Variants in CADM2 observed in about 807,000 individuals in gnomAD.
CADM2 encodes the protein immunoglobulin superfamily member 4D.
In CADM2, 12 loss-of-function variants were observed where a neutral mutation model predicts 49.8. That is an observed-to-expected ratio of 0.24 (90% CI 0.15 to 0.39). The LOEUF is 0.39. CADM2 is among the 10% of genes least tolerant of loss of function. The pLI, the probability that CADM2 is intolerant of heterozygous loss-of-function variation, is 1.00. For missense variants in CADM2, 378 were observed against 492.3 expected (o/e 0.77, Z 2.20); for synonymous variants, 214 against 175.4 (o/e 1.22, Z -1.74).
At chr3:85,761,407 T>C (rs1451851594) in intron 2 of CADM2, among the ~76,000 whole-genome samples, 1 of 122,906 alleles carries the variant, frequency 8.1e-6, no homozygotes, top group Non-Finnish European at 1.6e-5. Flanking sequence ...AGAATCTCAC[T>C]CTGTCTCCAG....
intron 1 of CADM2, among the ~76,000 whole-genome samples, chr3:85,344,950 C>G (rs1200879055): frequency 1.3e-5 from 2 of 152,120 alleles, no homozygotes; most frequent in Non-Finnish European, 2.9e-5. Flanking sequence ...CAGGAACACT[C>G]TCTTCCCATT....
intron 1 of CADM2, among the ~76,000 whole-genome samples, chr3:85,545,815 A>T (rs953813768): frequency 6.6e-6 from 1 of 152,120 alleles, no homozygotes; most frequent in Non-Finnish European, 1.5e-5. Flanking sequence ...GTAAACCTGA[A>T]ATTTAATTTT....
intron 2 of CADM2, among the ~76,000 whole-genome samples, chr3:85,750,446 C>CCT (rs1425705464): frequency 6.6e-6 from 1 of 152,020 alleles, no homozygotes; most frequent in Non-Finnish European, 1.5e-5. Context: ...AAATATTCTT[C>CCT]CTCTTGTTCC....
chr3:85,097,347 G>A (rs915060732), intron 1 of CADM2, among the ~76,000 whole-genome samples: 3 of 152,122 alleles, frequency 2.0e-5, no homozygotes, highest in African/African-American at 7.2e-5. Context: ...TTTTATGGCT[G>A]CATAGTATTC....
chr3:85,947,813 A>G (rs1222110569), intron 7 of CADM2, among the ~76,000 whole-genome samples: 15 of 151,576 alleles, frequency 9.9e-5, no homozygotes, highest in Non-Finnish European at 1.5e-5. Context: ...ATCATTTTCA[A>G]TTAAATGTTC....
intron 1 of CADM2, among the ~76,000 whole-genome samples, chr3:85,076,912 C>T (rs980404450): frequency 6.6e-6 from 1 of 152,120 alleles, no homozygotes; most frequent in Non-Finnish European, 1.5e-5. Context: ...GTGGAGGTTG[C>T]AGTGAGACAA....
chr3:84,977,835 G>A (rs905721859), intron 1 of CADM2, among the ~76,000 whole-genome samples: 4 of 152,042 alleles, frequency 2.6e-5, no homozygotes, highest in Admixed American at 6.6e-5. Flanking sequence ...CAGTGTCTAC[G>A]TTTAATTCCT....
chr3:85,790,366 A>C (rs994813620), intron 2 of CADM2, among the ~76,000 whole-genome samples: 5 of 152,252 alleles, frequency 3.3e-5, no homozygotes, highest in Admixed American at 6.5e-5. Context: ...TGGGTCACCT[A>C]CTCACAGGTA....
intron 1 of CADM2, among the ~76,000 whole-genome samples, chr3:85,001,270 TA>T (rs1457713333): frequency 6.6e-6 from 1 of 152,056 alleles, no homozygotes; most frequent in Non-Finnish European, 1.5e-5. Flanking sequence ...TTAGTTCATA[TA>T]AAAATATGTA....
rs891887893 is a variant in CADM2 at position 85,805,875 on chromosome 3, C to T, written c.238+3679C>T. Reference sequence around the variant, plus strand: ...TGATTATACCATCTCCTGCAGGTGGCTGCTACTGTTAAAGCTTCATCTATA... The same window carrying T: ...TGATTATACCATCTCCTGCAGGTGGTTGCTACTGTTAAAGCTTCATCTATA... On this transcript the variant is annotated intron_variant, in intron 3 of 9. Transcript: ENST00000383699. Among the ~76,000 whole-genome samples the T allele has an allele frequency of 3.3e-5, 5 of 152,292 alleles. 1 individual carries two copies. Among genetic ancestry groups the T allele is most frequent in the Middle Eastern group, 6.8e-3 (2 of 294 alleles).
rs145431943 is a variant in CADM2, at chr3:85,010,528, A to G, written c.61+50860A>G. Among the ~76,000 whole-genome samples, 709 of 152,294 alleles carry G rather than the reference A, an allele frequency of 4.7e-3. 7 individuals are homozygous for G. Among genetic ancestry groups the G allele is most frequent in the African/African-American group, 0.016 (668 of 41,564 alleles). On this transcript the variant is annotated intron_variant, in intron 1 of 9. Transcript: ENST00000383699. The stretch of plus-strand genomic sequence containing the variant: ...ACTGACTTTGAAGCTGAAATAAAAT[A>G]AACTTGTAACTCCTGATTCCAAGCA...
chr3:85,184,825 G>T (rs909965182), intron 1 of CADM2, among the ~76,000 whole-genome samples: 14 of 152,068 alleles, frequency 9.2e-5, no homozygotes, highest in Non-Finnish European at 1.9e-4. Context: ...CTAGAAAATA[G>T]AATTTGTCAA....
intron 2 of CADM2, among the ~76,000 whole-genome samples, chr3:85,759,284 AC>A (rs2069263371): frequency 6.6e-6 from 1 of 152,050 alleles, no homozygotes; most frequent in African/African-American, 2.4e-5. Flanking sequence ...AAATATATCC[AC>A]TTTAAGCACT....
chr3:85,661,487 C>T (rs531879372), intron 1 of CADM2, among the ~76,000 whole-genome samples: 1 of 152,172 alleles, frequency 6.6e-6, no homozygotes, highest in South Asian at 2.1e-4. Context: ...CCTTAGGCAC[C>T]TCCTTGCTTC....
At chr3:85,163,312 C>G (rs368839345) in intron 1 of CADM2, among the ~76,000 whole-genome samples, 1 of 151,920 alleles carries the variant, frequency 6.6e-6, no homozygotes, top group African/African-American at 2.4e-5. Context: ...TTGAGGCAGA[C>G]CTTTAAAATT....
At chr3:86,053,281 A>G (rs1228404815) in intron 8 of CADM2, among the ~76,000 whole-genome samples, 2 of 152,196 alleles carry the variant, frequency 1.3e-5, no homozygotes, top group African/African-American at 4.8e-5. Context: ...TTTTCCTTGT[A>G]AGTCAAACAT....
chr3:85,500,021 T>C (rs1323750383), intron 1 of CADM2, among the ~76,000 whole-genome samples: 1 of 152,194 alleles, frequency 6.6e-6, no homozygotes, highest in Non-Finnish European at 1.5e-5. Context: ...TAGAAAGACT[T>C]GGCCTATTGA....
At chr3:85,017,200 C>G (rs2034288775) in intron 1 of CADM2, among the ~76,000 whole-genome samples, 1 of 152,134 alleles carries the variant, frequency 6.6e-6, no homozygotes, top group Non-Finnish European at 1.5e-5. Context: ...GAGTGTATAG[C>G]TTTAAAGATG....
chr3:85,386,072 G>A (rs753419845), intron 1 of CADM2, among the ~76,000 whole-genome samples: 36 of 152,108 alleles, frequency 2.4e-4, no homozygotes, highest in Non-Finnish European at 3.2e-4. Flanking sequence ...AAGGAATCTC[G>A]GCTTTCCCCT....
Sources: allele counts gnomAD v4.1 joint callset (sites outside exome capture counted in the v4.1 genomes callset), GRCh38; gene constraint gnomAD v4.1.1; transcripts MANE v1.5; gene names NCBI Gene and HGNC (gene_info 2026-07-23, HGNC 2026-07-21).